PARVB: variants seen among roughly 807,000 people sequenced by gnomAD.
PARVB encodes the protein beta-parvin.
A neutral mutation model predicts 47.0 loss-of-function variants in PARVB; 46 were observed. That is an observed-to-expected ratio of 0.98 (90% CI 0.77 to 1.25). The LOEUF (loss-of-function observed/expected upper bound fraction) is 1.25. Among genes scored for constraint, PARVB ranks in the 50% most tolerant of loss-of-function variants. PARVB has a pLI of 0.00. For missense variants in PARVB, 473 were observed against 471.6 expected (o/e 1.00, Z -0.03); for synonymous variants, 196 against 196.3 (o/e 1.00, Z 0.01).
At chr22:44,047,434 G>A (rs1398159577) in intron 1 of PARVB, among the ~76,000 whole-genome samples, 3 of 152,182 alleles carry the variant, frequency 2.0e-5, no homozygotes, top group African/African-American at 7.2e-5. Context: ...GCCAAGGCAG[G>A]CAGATCACTT....
chr22:44,100,333 G>T (rs762198069), intron 3 of PARVB, among the ~76,000 whole-genome samples: 1 of 152,168 alleles, frequency 6.6e-6, no homozygotes, highest in African/African-American at 2.4e-5. Context: ...GCCCTGCTCG[G>T]CTGGGGCTTT....
chr22:44,098,342 G>C (rs776731088), intron 2 of PARVB, among the ~76,000 whole-genome samples: 3 of 152,176 alleles, frequency 2.0e-5, no homozygotes, highest in African/African-American at 4.8e-5. Context: ...TTTGGGGCTG[G>C]AGAGCTTGGA....
At chr22:43,999,242 C>A in exon 1 of PARVB, 1 of 956,342 alleles carries the variant, frequency 1.0e-6, no homozygotes, top group Non-Finnish European at 1.5e-6. Context: ...TCCTCCCCAT[C>A]TCCGGCAGCT....
At chr22:44,122,538 GAGAGAGAGAGAGAGACAC>G (rs2053083061) in intron 4 of PARVB, among the ~76,000 whole-genome samples, 32 of 101,626 alleles carry the variant, frequency 3.1e-4, no homozygotes, top group African/African-American at 4.0e-4. Flanking sequence ...CAGAGAGAGA[GAGAGAGAGAGAGAGACAC>G]AGAGACAGAG....
At chr22:44,128,753 G>A (rs1411310141) in intron 4 of PARVB, among the ~76,000 whole-genome samples, 1 of 152,190 alleles carries the variant, frequency 6.6e-6, no homozygotes. Context: ...CAGCCCTGCA[G>A]GTTGAACCTC....
At chr22:44,012,708 A>T (rs1010468824) in intron 2 of PARVB, among the ~76,000 whole-genome samples, 2 of 151,152 alleles carry the variant, frequency 1.3e-5, no homozygotes, top group Admixed American at 6.7e-5. Context: ...AATTGCTTGG[A>T]GGTCTGAAAA....
At chr22:44,124,586 C>T (rs1012560494) in intron 4 of PARVB, among the ~76,000 whole-genome samples, 4 of 146,868 alleles carry the variant, frequency 2.7e-5, no homozygotes. Flanking sequence ...CAGACAAGCC[C>T]CATCCTGTGG....
At position 44,068,439 on chromosome 22, in the gene PARVB, G is replaced by A. The variant is rs2051582110; in HGVS notation, c.113-25489G>A. Among the ~76,000 whole-genome samples, 2 of 152,208 alleles carry A rather than the reference G, an allele frequency of 1.3e-5. No homozygotes were observed. Among genetic ancestry groups the A allele is most frequent in the African/African-American group, 4.8e-5 (2 of 41,432 alleles). ...TTGCCGGCCAAGGTAGGTATCATGCGAGTCCTACTTCTCCCCTCATTCAAG... is the reference window on the plus strand; with the variant it reads ...TTGCCGGCCAAGGTAGGTATCATGCAAGTCCTACTTCTCCCCTCATTCAAG... On this transcript the variant is annotated intron_variant, in intron 1 of 12. Coordinates refer to ENST00000338758, the MANE Select transcript of PARVB (RefSeq NM_013327.5). The surrounding 1 kb of genome is among the most constrained non-coding windows in gnomAD (Gnocchi z 4.1).
At chr22:44,151,664 G>A (rs983218977) in intron 10 of PARVB, 113 bp downstream of exon 10, 7 of 812,894 alleles carry the variant, frequency 8.6e-6, no homozygotes, top group South Asian at 2.8e-5. Context: ...CATCTCACAA[G>A]GAACTCCCGT....
intron 4 of PARVB, among the ~76,000 whole-genome samples, chr22:44,128,995 T>G (rs888387142): frequency 6.6e-6 from 1 of 152,134 alleles, no homozygotes; most frequent in Non-Finnish European, 1.5e-5. Context: ...GGAGGATCGC[T>G]TGAACCTGGG....
At chr22:44,060,408 AC>A (rs926061748) in intron 1 of PARVB, among the ~76,000 whole-genome samples, 2 of 152,144 alleles carry the variant, frequency 1.3e-5, no homozygotes, top group African/African-American at 4.8e-5. Flanking sequence ...TCAATAGGAA[AC>A]TTTTAAATGT....
intron 8 of PARVB, 151 bp downstream of exon 8, chr22:44,140,294 G>T (rs993284420): frequency 1.2e-6 from 1 of 800,772 alleles, no homozygotes; most frequent in Middle Eastern, 2.3e-4. Context: ...AAAGTGCACA[G>T]CCCACCCCCA....
chr22:44,114,957 C>A (rs1465653344), intron 3 of PARVB: 1 of 111,862 alleles, frequency 8.9e-6, no homozygotes, highest in Non-Finnish European at 1.8e-5. Context: ...CCTGCACCAA[C>A]ACAGATACGT....
chr22:44,153,909 G>A (rs777995825), intron 10 of PARVB, among the ~76,000 whole-genome samples: 28 of 152,224 alleles, frequency 1.8e-4, no homozygotes, highest in Non-Finnish European at 3.2e-4. Flanking sequence ...AGTGCAGAGA[G>A]CAGCTTTGTG....
At chr22:44,057,248 C>T (rs1569081618) in intron 1 of PARVB, among the ~76,000 whole-genome samples, 2 of 151,966 alleles carry the variant, frequency 1.3e-5, no homozygotes. Context: ...ATGTGATGTA[C>T]CAAGCATAGC....
At chr22:44,059,489 C>A (rs2051380820) in intron 1 of PARVB, among the ~76,000 whole-genome samples, 1 of 152,208 alleles carries the variant, frequency 6.6e-6, no homozygotes, top group Non-Finnish European at 1.5e-5. Flanking sequence ...TTTAGGTTGA[C>A]TTCTGCTGAG....
intron 2 of PARVB, among the ~76,000 whole-genome samples, chr22:44,013,821 C>T (rs1298521039): frequency 6.6e-6 from 1 of 152,050 alleles, no homozygotes; most frequent in Non-Finnish European, 1.5e-5. Flanking sequence ...TTGGTAGAGA[C>T]AGGGTTTCGC....
intron 1 of PARVB, among the ~76,000 whole-genome samples, chr22:44,058,306 C>G (rs1004052777): frequency 6.6e-6 from 1 of 152,010 alleles, no homozygotes; most frequent in African/African-American, 2.4e-5. Flanking sequence ...CCTGGCATAT[C>G]TTGATTTGTG....
intron 1 of PARVB, among the ~76,000 whole-genome samples, chr22:44,066,810 C>T (rs1436920078): frequency 4.7e-5 from 7 of 148,426 alleles, no homozygotes; most frequent in South Asian, 2.2e-4. Context: ...TCCTCCTCCT[C>T]CTCCTCCTCC....
Sources: allele counts gnomAD v4.1 joint callset (sites outside exome capture counted in the v4.1 genomes callset), GRCh38; gene constraint gnomAD v4.1.1; non-coding constraint Gnocchi (gnomAD v3.1); transcripts MANE v1.5; gene names NCBI Gene and HGNC (gene_info 2026-07-23, HGNC 2026-07-21).